Variants in COLGALT1 observed in about 807,000 individuals in gnomAD.
COLGALT1 encodes collagen beta(1-O)galactosyltransferase 1.
Under a neutral mutation model 60.8 loss-of-function variants are expected in COLGALT1, and 43 were observed. The ratio of observed to expected loss-of-function variants is 0.71; its 90% confidence interval spans 0.55 to 0.91. The LOEUF (loss-of-function observed/expected upper bound fraction) is 0.91. Among genes scored for constraint, COLGALT1 ranks in the 40% least tolerant of loss-of-function variants. The pLI is 0.00. For missense variants in COLGALT1, 845 were observed against 880.0 expected (o/e 0.96, Z 0.50); for synonymous variants, 369 against 374.2 (o/e 0.99, Z 0.16).
chr19:17,555,950 C>G lies in COLGALT1; in HGVS notation c.237C>G (p.His79Gln). ...TGGGCGCACTCGAGCGGCTGCGGCA[C>G]CCGCGGGAGCGCACGGCGCTATGGT... is the stretch of plus-strand genomic sequence containing the variant. ...TTLGALERLR[H>Q]PRERTALWVA... is the part of the protein sequence containing the mutation. Residue 79 changes from histidine to glutamine, a missense_variant, in exon 1 of 12, where the codon CAC becomes CAG. His to Gln is a conservative substitution (Grantham distance 24). Coordinates refer to ENST00000252599, the MANE Select transcript of COLGALT1 (RefSeq NM_024656.4). 1 of 1,382,748 alleles carries G rather than the reference C, an allele frequency of 7.2e-7. No homozygotes were observed. The highest frequency in any genetic ancestry group is 9.4e-7 in the Non-Finnish European group (1 of 1,068,130). 85.7% of individuals were successfully genotyped at this position (1,382,748 alleles called of 1,614,324 possible).
At chr19:17,576,516 A>G (rs1041828656) in intron 6 of COLGALT1, among the ~76,000 whole-genome samples, 2 of 145,244 alleles carry the variant, frequency 1.4e-5, no homozygotes, top group African/African-American at 5.2e-5. Flanking sequence ...CAGGGCTTAG[A>G]GGCAGGGTTG....
intron 5 of COLGALT1, among the ~76,000 whole-genome samples, chr19:17,569,953 G>A (rs1352324450): frequency 7.1e-6 from 1 of 140,922 alleles, no homozygotes; most frequent in Non-Finnish European, 1.5e-5. Context: ...GGAGTGCAGT[G>A]GCCCGATCTT....
chr19:17,567,587 G>T (rs771759522), intron 4 of COLGALT1, 47 bp downstream of exon 4: 2 of 1,588,156 alleles, frequency 1.3e-6, no homozygotes, highest in Non-Finnish European at 1.7e-6. Flanking sequence ...GAGCAGGGGG[G>T]TGCCGTGGCT....
At chr19:17,569,891 CTTT>C (rs71162156) in intron 5 of COLGALT1, among the ~76,000 whole-genome samples, 7 of 98,730 alleles carry the variant, frequency 7.1e-5, no homozygotes, top group Admixed American at 4.4e-4. Flanking sequence ...CCACTAATTA[CTTT>C]TTTTTTTTTT....
chr19:17,564,300 T>C (rs754333033), intron 3 of COLGALT1, among the ~76,000 whole-genome samples: 7 of 120,326 alleles, frequency 5.8e-5, no homozygotes, highest in Non-Finnish European at 1.3e-4. Flanking sequence ...TGTGTATACA[T>C]ATATACATAT....
intron 5 of COLGALT1, among the ~76,000 whole-genome samples, chr19:17,570,840 C>T (rs555468876): frequency 2.0e-5 from 3 of 152,188 alleles, no homozygotes; most frequent in South Asian, 2.1e-4. Flanking sequence ...GCTGGGATTA[C>T]GGGCATGAGC....
At position 17,555,802 on chromosome 19, in the gene COLGALT1, C is replaced by A. The variant is rs964873130; in HGVS notation, c.89C>A (p.Ala30Asp). The A allele has an allele frequency of 1.6e-6, 2 of 1,251,762 alleles. No homozygotes were observed. Among genetic ancestry groups the A allele is most frequent in the East Asian group, 6.4e-5 (2 of 31,020 alleles). The allele number at this position is 1,251,762 out of a possible 1,614,324, so 77.5% of individuals were successfully genotyped here. ...LLLLAPLPPG[A>D]PPGADAYFPE... ...CTGCTGGCGCCACTGCCGCCGGGGG[C>A]CCCGCCGGGCGCCGACGCCTACTTC... is the stretch of plus-strand genomic sequence containing the variant. The change falls in exon 1 of 12, where the codon GCC becomes GAC. Residue 30 changes from alanine (A) to aspartate (D), a missense_variant. Coordinates refer to ENST00000252599, the MANE Select transcript of COLGALT1 (RefSeq NM_024656.4).
chr19:17,578,148 G>C, intron 9 of COLGALT1, 59 bp downstream of exon 9: 1 of 1,476,390 alleles, frequency 6.8e-7, no homozygotes, highest in Non-Finnish European at 9.0e-7. Context: ...TCGGAGATTT[G>C]GACGGGAAAG....
chr19:17,576,472 G>A (rs911463649), intron 6 of COLGALT1, among the ~76,000 whole-genome samples: 3 of 152,028 alleles, frequency 2.0e-5, no homozygotes, highest in Non-Finnish European at 2.9e-5. Flanking sequence ...GGTGGGGCTG[G>A]GGGGTAGAGT....
intron 8 of COLGALT1, 135 bp from the exon 9 acceptor site, chr19:17,577,822 G>A: frequency 1.7e-6 from 2 of 1,203,884 alleles, no homozygotes; most frequent in Non-Finnish European, 2.3e-6. Context: ...GAGGCCCCAT[G>A]TGCCCGGAAG....
At position 17,555,811 on chromosome 19, in the gene COLGALT1, G is replaced by T. The variant is rs989671669; in HGVS notation, c.98G>T (p.Gly33Val). 651 of 1,260,602 alleles carry T rather than the reference G, an allele frequency of 5.2e-4. 4 individuals are homozygous for T. Among genetic ancestry groups the T allele is most frequent in the Non-Finnish European group, 3.2e-4 (321 of 1,002,062 alleles). 78.1% of individuals were successfully genotyped at this position (1,260,602 alleles called of 1,614,324 possible). ...CCACTGCCGCCGGGGGCCCCGCCGG[G>T]CGCCGACGCCTACTTCCCCGAGGAG... ...LAPLPPGAPPGADAYFPEERW... is the reference protein window; with the variant it reads ...LAPLPPGAPPVADAYFPEERW... Residue 33 changes from glycine (G) to valine (V), a missense_variant, in exon 1 of 12, where the codon GGC (glycine) becomes GTC (valine). Gly to Val is a moderately radical substitution (Grantham distance 109). Coordinates refer to ENST00000252599, the MANE Select transcript of COLGALT1 (RefSeq NM_024656.4).
chr19:17,575,915 T>G (rs941142434), intron 6 of COLGALT1, among the ~76,000 whole-genome samples: 2 of 152,174 alleles, frequency 1.3e-5, no homozygotes, highest in African/African-American at 4.8e-5. Context: ...TAGGATCATA[T>G]CCTGGGGTAC....
At chr19:17,576,460 G>C (rs912792032) in intron 6 of COLGALT1, among the ~76,000 whole-genome samples, 4 of 151,970 alleles carry the variant, frequency 2.6e-5, no homozygotes, top group Non-Finnish European at 4.4e-5. Flanking sequence ...CAGGGGCATA[G>C]AGGTGGGGCT....
At chr19:17,558,838 A>G (rs1267478881) in intron 1 of COLGALT1, among the ~76,000 whole-genome samples, 1 of 151,860 alleles carries the variant, frequency 6.6e-6, no homozygotes, top group East Asian at 1.9e-4. Flanking sequence ...TCCCACCCCC[A>G]TGTTACAGAT....
chr19:17,577,167 G>C (rs775946901), intron 6 of COLGALT1, 28 bp from the exon 7 acceptor site: 4 of 1,610,798 alleles, frequency 2.5e-6, no homozygotes, highest in Non-Finnish European at 3.4e-6. Flanking sequence ...CCTTACCCCA[G>C]CGACTCCTCA....
intron 5 of COLGALT1, among the ~76,000 whole-genome samples, 195 bp from the exon 6 acceptor site, chr19:17,572,288 A>C (rs2076317329): frequency 6.7e-6 from 1 of 148,862 alleles, no homozygotes; most frequent in Admixed American, 6.8e-5. Context: ...AGCCTGGGAG[A>C]GTGAGACTCT....
chr19:17,582,185 A>C lies in COLGALT1; in HGVS notation c.*741A>C, dbSNP rs1292094875. Reference sequence around the variant, plus strand: ...TGGCCACCCAAAGTGCTAGGGTTACAGGCATGAGCCACTGTGCCCAGCCCA... The same window carrying C: ...TGGCCACCCAAAGTGCTAGGGTTACCGGCATGAGCCACTGTGCCCAGCCCA... On this transcript the variant is annotated 3_prime_UTR_variant, in exon 12 of 12. Coordinates refer to ENST00000252599, the MANE Select transcript of COLGALT1 (RefSeq NM_024656.4). 6.6e-6 allele frequency: 1 copy of C among 152,164 alleles called. No individual in the cohort carries two copies. The highest frequency in any genetic ancestry group is 1.5e-5 in the Non-Finnish European group (1 of 68,084). 9.4% of individuals were successfully genotyped at this position (152,164 alleles called of 1,614,324 possible).
At chr19:17,570,123 G>C (rs2076303859) in intron 5 of COLGALT1, among the ~76,000 whole-genome samples, 1 of 151,286 alleles carries the variant, frequency 6.6e-6, no homozygotes. Flanking sequence ...TTGATCTCTT[G>C]ACCTTGTGAT....
At chr19:17,562,507 T>C (rs1431024864) in intron 3 of COLGALT1, among the ~76,000 whole-genome samples, 4 of 152,032 alleles carry the variant, frequency 2.6e-5, no homozygotes, top group South Asian at 2.1e-4. Context: ...TACCAAAATA[T>C]AAACATTAGC....
Sources: gnomAD v4.1 joint callset for allele counts (sites outside exome capture counted in the v4.1 genomes callset) on GRCh38, gnomAD v4.1.1 for gene constraint, MANE v1.5 for transcripts, NCBI Gene and HGNC (gene_info 2026-07-23, HGNC 2026-07-21) for gene names.